ARHGAP24: variants seen among roughly 807,000 people sequenced by gnomAD.
The protein encoded by ARHGAP24 is Rho GTPase activating protein 24, also known as rho GTPase-activating protein 24.
ARHGAP24 carries 50 observed loss-of-function variants against 76.4 expected under a neutral mutation model. The ratio of observed to expected loss-of-function variants is 0.65; its 90% confidence interval spans 0.52 to 0.83. The LOEUF (loss-of-function observed/expected upper bound fraction) is 0.83. ARHGAP24 is among the 40% of genes least tolerant of loss of function. The pLI, the probability that ARHGAP24 is intolerant of heterozygous loss-of-function variation, is 0.00. For missense variants in ARHGAP24, 930 were observed against 914.2 expected, an observed-to-expected ratio of 1.02 and a Z score of -0.22; for synonymous variants, 345 against 323.3, an observed-to-expected ratio of 1.07 and a Z score of -0.72.
chr4:85,476,908 A>G (rs2110085087), intron 1 of ARHGAP24, among the ~76,000 whole-genome samples: 1 of 152,338 alleles, frequency 6.6e-6, no homozygotes, highest in Middle Eastern at 3.4e-3. Context: ...GCTCAGTAAT[A>G]AAAGTTACCA....
intron 3 of ARHGAP24, among the ~76,000 whole-genome samples, chr4:85,897,279 A>G (rs1734230967): frequency 6.6e-6 from 1 of 152,142 alleles, no homozygotes. Flanking sequence ...TATTAAATCA[A>G]AAGACAAATG....
At chr4:85,683,669 A>G (rs1410089213) in intron 2 of ARHGAP24, among the ~76,000 whole-genome samples, 1 of 152,032 alleles carries the variant, frequency 6.6e-6, no homozygotes, top group East Asian at 1.9e-4. Context: ...TTAAATATAT[A>G]ATACATTGTT....
intron 3 of ARHGAP24, among the ~76,000 whole-genome samples, chr4:85,850,660 A>G (rs1399984319): frequency 6.6e-6 from 1 of 152,096 alleles, no homozygotes; most frequent in East Asian, 1.9e-4. Flanking sequence ...CTTTGTTCTC[A>G]TTGGTTTCAA....
At chr4:85,736,376 G>T (rs1451415082) in intron 3 of ARHGAP24, among the ~76,000 whole-genome samples, 3 of 151,392 alleles carry the variant, frequency 2.0e-5, no homozygotes, top group South Asian at 2.1e-4. Flanking sequence ...TTGAACAAAA[G>T]AAAGAAAGAA....
At chr4:85,712,630 T>G (rs1724570421) in intron 2 of ARHGAP24, among the ~76,000 whole-genome samples, 1 of 152,150 alleles carries the variant, frequency 6.6e-6, no homozygotes, top group Admixed American at 6.6e-5. Context: ...CCTTGGCTTG[T>G]GGCTGTGTCA....
chr4:85,776,754 GC>G (rs1183797908), intron 3 of ARHGAP24, among the ~76,000 whole-genome samples: 1 of 152,024 alleles, frequency 6.6e-6, no homozygotes, highest in Admixed American at 6.6e-5. Context: ...CCTTCCTGCA[GC>G]CATTTAACCC....
chr4:85,931,074 T>C, intron 4 of ARHGAP24: 1 of 1,571,202 alleles, frequency 6.4e-7, no homozygotes, highest in Non-Finnish European at 8.7e-7. Context: ...GTCCTTTTTA[T>C]AAATATAAAT....
chr4:85,808,819 A>G (rs960438642), intron 3 of ARHGAP24, among the ~76,000 whole-genome samples: 1 of 151,322 alleles, frequency 6.6e-6, no homozygotes, highest in Non-Finnish European at 1.5e-5. Flanking sequence ...ATAACCCAAA[A>G]GAAATAGCAA....
At chr4:85,727,183 G>A (rs188210532) in intron 3 of ARHGAP24, among the ~76,000 whole-genome samples, 42 of 152,222 alleles carry the variant, frequency 2.8e-4, no homozygotes, top group Admixed American at 2.3e-3. Context: ...TCTCACCATT[G>A]CACTCCAGCC....
At chr4:85,639,109 T>C (rs1045063569) in intron 2 of ARHGAP24, among the ~76,000 whole-genome samples, 2 of 152,100 alleles carry the variant, frequency 1.3e-5, no homozygotes, top group African/African-American at 4.8e-5. Flanking sequence ...TGTTTCTTAT[T>C]CCCCAAATTG....
intron 4 of ARHGAP24, chr4:85,924,567 C>T (rs1249292763): frequency 6.6e-6 from 1 of 151,740 alleles, no homozygotes; most frequent in Non-Finnish European, 1.5e-5. Flanking sequence ...GTCAAATTCA[C>T]ACTTTATAAA....
intron 2 of ARHGAP24, among the ~76,000 whole-genome samples, chr4:85,668,040 A>G (rs1722699078): frequency 6.6e-6 from 1 of 152,206 alleles, no homozygotes; most frequent in African/African-American, 2.4e-5. Context: ...AAAGTTAGAC[A>G]TTTCAAGGCT....
intron 3 of ARHGAP24, among the ~76,000 whole-genome samples, chr4:85,725,755 G>A (rs1377990047): frequency 6.6e-6 from 1 of 152,232 alleles, no homozygotes; most frequent in Admixed American, 6.5e-5. Context: ...TCAAAGGCCA[G>A]CTGCTTGCTT....
chr4:85,941,443 T>A (rs1736940659), intron 4 of ARHGAP24, among the ~76,000 whole-genome samples: 1 of 152,186 alleles, frequency 6.6e-6, no homozygotes, highest in South Asian at 2.1e-4. Flanking sequence ...CCTCTCCACT[T>A]CTAGTGTGCT....
At chr4:85,785,246 G>GAA (rs1206894628) in intron 3 of ARHGAP24, among the ~76,000 whole-genome samples, 13 of 152,072 alleles carry the variant, frequency 8.5e-5, no homozygotes, top group Admixed American at 8.5e-4. Flanking sequence ...GCACTCAAAA[G>GAA]AAAACATTTT....
intron 2 of ARHGAP24, among the ~76,000 whole-genome samples, chr4:85,705,420 T>C (rs1560594179): frequency 1.3e-5 from 2 of 152,198 alleles, no homozygotes; most frequent in Non-Finnish European, 2.9e-5. Flanking sequence ...ATAATATGAC[T>C]TGCATGCATG....
At chr4:85,599,384 T>C (rs1719958552) in intron 2 of ARHGAP24, among the ~76,000 whole-genome samples, 2 of 152,176 alleles carry the variant, frequency 1.3e-5, no homozygotes, top group African/African-American at 4.8e-5. Context: ...ACTTTTTCCA[T>C]TATAGTATAT....
intron 8 of ARHGAP24, among the ~76,000 whole-genome samples, chr4:85,993,833 G>C (rs1336527158): frequency 1.3e-5 from 2 of 152,132 alleles, no homozygotes; most frequent in Non-Finnish European, 2.9e-5. Context: ...CTCTTACTGA[G>C]ATTCAGCCAT....
intron 2 of ARHGAP24, among the ~76,000 whole-genome samples, chr4:85,675,432 T>C (rs1722947810): frequency 6.6e-6 from 1 of 152,120 alleles, no homozygotes; most frequent in Non-Finnish European, 1.5e-5. Flanking sequence ...AGAATGAAAA[T>C]AAATCTAACA....
Sources: gnomAD v4.1 joint callset for allele counts (sites outside exome capture counted in the v4.1 genomes callset) on GRCh38, gnomAD v4.1.1 for gene constraint, MANE v1.5 for transcripts, NCBI Gene and HGNC (gene_info 2026-07-23, HGNC 2026-07-21) for gene names.